CASD1: variants seen among roughly 807,000 people sequenced by gnomAD.
CASD1 encodes the protein N-acetylneuraminate (7)9-O-acetyltransferase.
A neutral mutation model predicts 100.0 loss-of-function variants in CASD1; 41 were observed. The observed-to-expected ratio is 0.41, with a 90% CI of 0.32 to 0.53. CASD1 has a LOEUF of 0.53. CASD1 is among the 20% of genes least tolerant of loss of function. The pLI, the probability that CASD1 is intolerant of heterozygous loss-of-function variation, is 0.25. For synonymous variants in CASD1, 321 were observed against 315.6 expected (o/e 1.02, Z -0.18); for missense variants, 774 against 948.7 (o/e 0.82, Z 2.42).
chr7:94,539,830 A>G (rs1036311561), intron 10 of CASD1, among the ~76,000 whole-genome samples: 1 of 152,144 alleles, frequency 6.6e-6, no homozygotes, highest in South Asian at 2.1e-4. Context: ...TTACATTTTT[A>G]AAGTTTAAAA....
intron 1 of CASD1, among the ~76,000 whole-genome samples, chr7:94,517,286 G>A (rs73423219): frequency 0.049 from 7,379 of 152,120 alleles, 587 homozygotes; most frequent in African/African-American, 0.17. Flanking sequence ...TAATGTCCCC[G>A]GAAAGAAAAC....
chr7:94,528,285 TTA>T, intron 5 of CASD1, 35 bp downstream of exon 5: 4 of 1,356,742 alleles, frequency 2.9e-6, no homozygotes, highest in South Asian at 1.3e-5. Flanking sequence ...TTTTTTTTTT[TTA>T]TTTTTATTCC....
chr7:94,629,968 C>A, the CASD1 span: 2 of 1,047,714 alleles, frequency 1.9e-6, no homozygotes, highest in Non-Finnish European at 2.8e-6. Context: ...ACTGAAGCAA[C>A]ATGCAAGGAA....
intron 5 of CASD1, among the ~76,000 whole-genome samples, chr7:94,529,895 C>G (rs922176112): frequency 2.0e-5 from 3 of 152,098 alleles, no homozygotes; most frequent in Admixed American, 6.6e-5. Flanking sequence ...GAAGAAGATA[C>G]ACTTATTAAC....
downstream of CASD1, among the ~76,000 whole-genome samples, chr7:94,561,196 A>T (rs1015597065): frequency 9.2e-5 from 14 of 152,210 alleles, no homozygotes; most frequent in African/African-American, 3.1e-4. Context: ...CAATGAGCCG[A>T]GATCACGCTA....
intron 13 of CASD1, among the ~76,000 whole-genome samples, chr7:94,549,068 AATG>A (rs1382942043): frequency 9.2e-5 from 14 of 151,962 alleles, no homozygotes; most frequent in African/African-American, 3.4e-4. Flanking sequence ...ACATTTGGAG[AATG>A]ATAACTATAT....
At chr7:94,617,242 A>C in the CASD1 span, 1 of 152,204 alleles carries the variant, frequency 6.6e-6, no homozygotes, top group South Asian at 2.1e-4. Context: ...GCAGTGCTTT[A>C]GGTCACAGTT....
chr7:94,619,063 C>A, the CASD1 span: 1 of 807,008 alleles, frequency 1.2e-6, no homozygotes, highest in Admixed American at 1.8e-5. Flanking sequence ...ATCCTGGCAG[C>A]AGGAAGCAAT....
chr7:94,634,149 A>G, the CASD1 span, among the ~76,000 whole-genome samples: 1 of 152,264 alleles, frequency 6.6e-6, no homozygotes, highest in East Asian at 1.9e-4. Flanking sequence ...TGCTTTATTA[A>G]TAAACTAATC....
chr7:94,518,351 A>T lies in CASD1; in HGVS notation c.351+28A>T, dbSNP rs773974526. 3 of 1,537,926 alleles carry T rather than the reference A, an allele frequency of 2.0e-6. No individual in the cohort carries two copies. In the African/African-American group the frequency reaches 4.2e-5, roughly 22 times the overall value. Reference sequence around the variant, plus strand: ...AAAACTTGTCTATTCCCTTCTGTAGAGTGTTTTAGAAGTTAACCAACTGAA... The same window carrying T: ...AAAACTTGTCTATTCCCTTCTGTAGTGTGTTTTAGAAGTTAACCAACTGAA... On this transcript the variant is annotated intron_variant, in intron 3 of 17. Coordinates refer to ENST00000297273, the MANE Select transcript of CASD1 (RefSeq NM_022900.5).
the CASD1 span, among the ~76,000 whole-genome samples, chr7:94,570,093 G>A: frequency 9.2e-5 from 14 of 152,116 alleles, no homozygotes; most frequent in East Asian, 1.4e-3. Context: ...GATTACAGGC[G>A]TGAGCCACCG....
chr7:94,576,531 T>A, the CASD1 span, among the ~76,000 whole-genome samples: 1 of 152,198 alleles, frequency 6.6e-6, no homozygotes, highest in Admixed American at 6.5e-5. Flanking sequence ...GAAAAGTGAT[T>A]TATGATGAAT....
the CASD1 span, chr7:94,627,410 A>G: frequency 6.6e-6 from 1 of 151,988 alleles, no homozygotes; most frequent in African/African-American, 2.4e-5. Flanking sequence ...TGGTAACATC[A>G]CCATCACTTC....
chr7:94,575,430 T>A, the CASD1 span, among the ~76,000 whole-genome samples: 1 of 152,190 alleles, frequency 6.6e-6, no homozygotes, highest in East Asian at 1.9e-4. Context: ...ATGATTTCCA[T>A]TGTTTTGCAT....
chr7:94,580,442 C>T, the CASD1 span, among the ~76,000 whole-genome samples: 1 of 152,090 alleles, frequency 6.6e-6, no homozygotes, highest in South Asian at 2.1e-4. Context: ...AATATTTTTT[C>T]TTATTCTTCA....
rs565690533 is a variant in CASD1 at position 94,531,038 on chromosome 7, A to G, written c.460-2167A>G. 1.4e-3 allele frequency among the ~76,000 whole-genome samples: 208 copies of G among 152,250 alleles called. 1 individual carries two copies. The Middle Eastern group carries it at 0.024, about 17-fold the overall frequency. On this transcript the variant is annotated intron_variant, in intron 5 of 17. Coordinates refer to ENST00000297273, the MANE Select transcript of CASD1 (RefSeq NM_022900.5). The stretch of plus-strand genomic sequence containing the variant: ...AATGGATAGTGAAGCCCAAATTCAA[A>G]ACTTAAGTTGAGGCATAAATGAGAG...
intron 4 of CASD1, 135 bp from the exon 5 acceptor site, chr7:94,528,053 T>C: frequency 1.6e-6 from 1 of 639,478 alleles, no homozygotes; most frequent in Non-Finnish European, 2.7e-6. Context: ...CAAATTAAGA[T>C]AGGAATTGAA....
intron 16 of CASD1, 64 bp downstream of exon 16, chr7:94,552,491 G>A (rs1011400808): frequency 1.6e-6 from 2 of 1,257,996 alleles, no homozygotes; most frequent in Non-Finnish European, 2.3e-6. Flanking sequence ...GTTTTTAGAG[G>A]CAGAGAGATT....
the CASD1 span, chr7:94,588,381 T>C: frequency 8.6e-7 from 1 of 1,157,600 alleles, no homozygotes; most frequent in African/African-American, 1.6e-5. Context: ...GCTAAGAATC[T>C]TTCATACCAA....
Sources: gnomAD v4.1 joint callset for allele counts (sites outside exome capture counted in the v4.1 genomes callset) on GRCh38, gnomAD v4.1.1 for gene constraint, MANE v1.5 for transcripts, NCBI Gene and HGNC (gene_info 2026-07-23, HGNC 2026-07-21) for gene names.